FMN1: variants seen among roughly 807,000 people sequenced by gnomAD.
FMN1 encodes the protein formin-1.
FMN1 carries 110 observed loss-of-function variants against 132.4 expected under a neutral mutation model. That is an observed-to-expected ratio of 0.83 (90% CI 0.71 to 0.97). FMN1 has a LOEUF of 0.97. Ranked by LOEUF, FMN1 falls within the 50% of genes least tolerant of loss-of-function variation. The pLI is 0.00. For missense variants in FMN1, 1,792 were observed against 1,705.3 expected (o/e 1.05, Z -0.90); for synonymous variants, 722 against 651.7 (o/e 1.11, Z -1.64).
chr15:33,067,144 T>C, intron 5 of FMN1: 1 of 1,613,970 alleles, frequency 6.2e-7, no homozygotes, highest in East Asian at 2.2e-5. Flanking sequence ...AATTCTGGTT[T>C]GTTACTGCAG....
chr15:32,949,358 G>A (rs1280751522), intron 9 of FMN1, among the ~76,000 whole-genome samples: 1 of 152,028 alleles, frequency 6.6e-6, no homozygotes, highest in African/African-American at 2.4e-5. Context: ...TAGACCAAGT[G>A]AACAGAACAG....
At chr15:33,080,167 G>C (rs1430807412) in intron 5 of FMN1, among the ~76,000 whole-genome samples, 2 of 152,170 alleles carry the variant, frequency 1.3e-5, no homozygotes, top group Non-Finnish European at 2.9e-5. Flanking sequence ...GTAGCTTTAA[G>C]GGGTAGACTC....
intron 16 of FMN1, among the ~76,000 whole-genome samples, chr15:32,882,081 T>C (rs759597270): frequency 1.1e-4 from 17 of 152,084 alleles, no homozygotes; most frequent in Non-Finnish European, 1.9e-4. Context: ...GAGACTACAA[T>C]AGGCAGACTG....
intron 4 of FMN1, among the ~76,000 whole-genome samples, chr15:33,115,694 C>T (rs1042040700): frequency 3.3e-5 from 5 of 152,146 alleles, no homozygotes; most frequent in Non-Finnish European, 5.9e-5. Context: ...TCCTCTAAAC[C>T]TGTTCTTCCT....
At chr15:32,810,934 G>A (rs780822432) in intron 17 of FMN1, 24 of 455,674 alleles carry the variant, frequency 5.3e-5, no homozygotes, top group Admixed American at 2.6e-4. Flanking sequence ...AAATATGGGA[G>A]CCGGGTGATG....
At chr15:33,059,366 TTCTA>T (rs1470642508) in intron 6 of FMN1, among the ~76,000 whole-genome samples, 2 of 152,224 alleles carry the variant, frequency 1.3e-5, no homozygotes, top group Non-Finnish European at 2.9e-5. Context: ...GGGAGTGCAG[TTCTA>T]TCTTTTACAT....
chr15:32,798,743 T>G (rs571190302), intron 19 of FMN1, 61 bp downstream of exon 19: 1 of 1,425,494 alleles, frequency 7.0e-7, no homozygotes, highest in Admixed American at 2.0e-5. Flanking sequence ...CTTTGATAGG[T>G]TTAAGAGTGC....
intron 10 of FMN1, among the ~76,000 whole-genome samples, chr15:32,912,310 A>T (rs1266561725): frequency 6.6e-6 from 1 of 152,204 alleles, no homozygotes; most frequent in Non-Finnish European, 1.5e-5. Flanking sequence ...GTTCAGTAGC[A>T]GAAAAATAAC....
chr15:32,780,049 C>T (rs1038251279), intron 19 of FMN1, among the ~76,000 whole-genome samples: 6 of 152,204 alleles, frequency 3.9e-5, no homozygotes, highest in African/African-American at 1.2e-4. Context: ...CTGTGTGACC[C>T]TGCACAAGGG....
chr15:32,887,288 T>C (rs1202273747), intron 16 of FMN1, among the ~76,000 whole-genome samples: 1 of 152,192 alleles, frequency 6.6e-6, no homozygotes, highest in Admixed American at 6.5e-5. Flanking sequence ...CTTCTGGCAC[T>C]CTGGGCTCCA....
chr15:32,891,742 T>C (rs181323140), intron 15 of FMN1, among the ~76,000 whole-genome samples: 2 of 152,192 alleles, frequency 1.3e-5, no homozygotes, highest in Admixed American at 6.5e-5. Context: ...ATTTTGTAGT[T>C]TTCCTTGTGG....
chr15:32,969,387 C>T lies in FMN1; in HGVS notation c.2314G>A (p.Glu772Lys), dbSNP rs144234543. 319 of 1,613,886 alleles carry T rather than the reference C, an allele frequency of 2.0e-4. 2 individuals are homozygous for T. The African/African-American group carries it at 3.2e-3, about 16-fold the overall frequency. The change falls in exon 8 of 21, where the codon GAG becomes AAG. Residue 772 changes from glutamate to lysine, a missense_variant. This residue lies in a region of FMN1 where 1,150 missense variants were observed against 1,043.1 expected (regional missense o/e 1.10). Transcript: ENST00000616417. The part of the protein sequence containing the change: ...LEETIENLKH[E>K]LEHRWRGGCE... ...CCCCCTCGCCATCTGTGTTCTAGCT[C>T]GTGTTTCAGATTTTCAATGGTTTCT...
chr15:32,934,605 T>C (rs1326704413), intron 9 of FMN1, among the ~76,000 whole-genome samples: 1 of 150,078 alleles, frequency 6.7e-6, no homozygotes, highest in Non-Finnish European at 1.5e-5. Context: ...TTCCTTTTTT[T>C]TTTTTTTTTT....
At chr15:32,901,773 T>A (rs149284176) in intron 13 of FMN1, 138 bp downstream of exon 13, 7,232 of 601,210 alleles carry the variant, frequency 0.012, 80 homozygotes, top group Middle Eastern at 0.022. Flanking sequence ...ACGGGCAAGA[T>A]AATCATCAAA....
chr15:32,964,332 A>G (rs2030972773), intron 8 of FMN1, 75 bp from the exon 9 acceptor site: 7 of 1,048,884 alleles, frequency 6.7e-6, no homozygotes, highest in Non-Finnish European at 9.5e-6. Context: ...ATCTTTCTCT[A>G]ATCCATTTTT....
chr15:32,835,476 C>T (rs1332756371), intron 17 of FMN1, among the ~76,000 whole-genome samples: 1 of 152,146 alleles, frequency 6.6e-6, no homozygotes, highest in African/African-American at 2.4e-5. Flanking sequence ...TCCCAATTTC[C>T]AAACCAAAGA....
intron 17 of FMN1, among the ~76,000 whole-genome samples, chr15:32,832,940 T>C (rs1374983885): frequency 6.6e-6 from 1 of 152,178 alleles, no homozygotes; most frequent in Non-Finnish European, 1.5e-5. Flanking sequence ...GTAGACATCA[T>C]CAGTCTTAGA....
intron 6 of FMN1, among the ~76,000 whole-genome samples, chr15:33,053,335 A>AG (rs1213982269): frequency 6.6e-6 from 1 of 152,186 alleles, no homozygotes; most frequent in East Asian, 1.9e-4. Flanking sequence ...ATTCCCCTTG[A>AG]GGTAACATGC....
chr15:32,938,234 A>T (rs1458292210), intron 9 of FMN1, among the ~76,000 whole-genome samples: 1 of 152,126 alleles, frequency 6.6e-6, no homozygotes, highest in Non-Finnish European at 1.5e-5. Context: ...ATTAGAAATC[A>T]TCCAAATTTT....
Sources: allele counts gnomAD v4.1 joint callset (sites outside exome capture counted in the v4.1 genomes callset), GRCh38; gene constraint gnomAD v4.1.1; regional missense constraint gnomAD v4.1.1; transcripts MANE v1.5; gene names NCBI Gene and HGNC (gene_info 2026-07-23, HGNC 2026-07-21).